Variants in CCNJL observed in about 807,000 individuals in gnomAD.
CCNJL encodes cyclin-J-like protein.
A neutral mutation model predicts 33.4 loss-of-function variants in CCNJL; 33 were observed. The observed-to-expected ratio is 0.99, with a 90% confidence interval of 0.75 to 1.32. CCNJL has a LOEUF of 1.32. Among genes scored for constraint, CCNJL ranks in the 40% most tolerant of loss-of-function variants. CCNJL has a pLI of 0.00. For missense variants in CCNJL, 512 were observed against 499.7 expected (o/e 1.02, Z -0.23); for synonymous variants, 227 against 220.9 (o/e 1.03, Z -0.24).
chr5:160,330,136 G>A (rs2113480962), intron 1 of CCNJL, among the ~76,000 whole-genome samples: 1 of 152,186 alleles, frequency 6.6e-6, no homozygotes, highest in East Asian at 1.9e-4. Flanking sequence ...TTCTGACCCT[G>A]TCTCCTGAAA....
Position 160,265,825 on chromosome 5 carries a change from C to T in CCNJL, c.281-6054G>A, listed in dbSNP as rs140210919. Among the ~76,000 whole-genome samples the T allele has an allele frequency of 2.6e-3, 389 of 150,300 alleles. 1 individual carries two copies. Among genetic ancestry groups the T allele is most frequent in the African/African-American group, 9.2e-3 (374 of 40,668 alleles). ...CCAAGATCGGGGCACTGCACTCTAG[C>T]CTGGGCGACAGAGCGAGACTCCGTC... On this transcript the variant is annotated intron_variant, in intron 3 of 5. Transcript: ENST00000257536.
At chr5:160,311,827 T>C (rs1218029148) in intron 2 of CCNJL, 31 bp downstream of exon 2, 6 of 1,605,252 alleles carry the variant, frequency 3.7e-6, no homozygotes, top group East Asian at 4.5e-5. Context: ...GTACCCAGTC[T>C]TGAGAGTGAC....
intron 1 of CCNJL, among the ~76,000 whole-genome samples, chr5:160,334,985 G>A (rs760513076): frequency 2.6e-5 from 4 of 152,336 alleles, no homozygotes; most frequent in Admixed American, 6.5e-5. Context: ...CATTTTGGCC[G>A]GGCACAGTGG....
chr5:160,254,326 GA>G, intron 5 of CCNJL: 2 of 668,700 alleles, frequency 3.0e-6, no homozygotes, highest in Non-Finnish European at 5.4e-6. Flanking sequence ...TTTTTCATCT[GA>G]AAAGGGGGCT....
At chr5:160,321,492 A>G (rs1234587783) in intron 1 of CCNJL, among the ~76,000 whole-genome samples, 1 of 152,194 alleles carries the variant, frequency 6.6e-6, no homozygotes, top group Non-Finnish European at 1.5e-5. Context: ...CAGGGCTGCA[A>G]AGACCCAAAG....
chr5:160,258,448 G>A, intron 4 of CCNJL: 1 of 1,057,076 alleles, frequency 9.5e-7, no homozygotes, highest in South Asian at 1.3e-5. Flanking sequence ...CATGAAGAGG[G>A]CACTGGACCT....
chr5:160,327,710 C>A (rs1034983134), intron 1 of CCNJL, among the ~76,000 whole-genome samples: 3 of 152,202 alleles, frequency 2.0e-5, no homozygotes, highest in African/African-American at 7.2e-5. Flanking sequence ...CAGGATAAAG[C>A]TCCAGAGTAA....
chr5:160,291,068 A>AAGAG (rs1257277886), intron 2 of CCNJL, among the ~76,000 whole-genome samples: 2 of 147,940 alleles, frequency 1.4e-5, no homozygotes, highest in African/African-American at 5.2e-5. Flanking sequence ...AAAAGAAAGA[A>AAGAG]AGAGAGAGAG....
At chr5:160,330,756 T>C (rs1278878284) in intron 1 of CCNJL, among the ~76,000 whole-genome samples, 1 of 151,928 alleles carries the variant, frequency 6.6e-6, no homozygotes, top group Non-Finnish European at 1.5e-5. Flanking sequence ...CTCCTCCTCC[T>C]GGGTTCAAGC....
intron 3 of CCNJL, 141 bp downstream of exon 3, chr5:160,280,384 G>C (rs1762164798): frequency 1.5e-6 from 1 of 684,754 alleles, no homozygotes; most frequent in Non-Finnish European, 2.5e-6. Flanking sequence ...TAAAAATGTT[G>C]ATGCTAAAAA....
At chr5:160,264,188 G>C (rs1398310820) in intron 3 of CCNJL, among the ~76,000 whole-genome samples, 2 of 152,088 alleles carry the variant, frequency 1.3e-5, no homozygotes, top group African/African-American at 4.8e-5. Flanking sequence ...GCCTCCCCAA[G>C]TGTTGGGATT....
Position 160,250,016 on chromosome 5 carries a change from T to C in CCNJL, c.*3362A>G, listed in dbSNP as rs1214818435. 1 of 152,120 alleles carries C rather than the reference T, an allele frequency of 6.6e-6. No individual in the cohort carries two copies. Among genetic ancestry groups the C allele is most frequent in the Non-Finnish European group, 1.5e-5 (1 of 68,026 alleles). The allele number at this position is 152,120 out of a possible 1,614,324, so 9.4% of individuals were successfully genotyped here. A position where few individuals can be genotyped will look rare whatever the true frequency, so the allele number is the denominator to read the frequency against. On this transcript the variant is annotated 3_prime_UTR_variant, in exon 6 of 6. Transcript: ENST00000257536. ...TCTGAATTTAACCTGATGCCAGCCCTGGGAGGAACTTTAAGACTATCTTTG... is the reference window on the plus strand; with the variant it reads ...TCTGAATTTAACCTGATGCCAGCCCCGGGAGGAACTTTAAGACTATCTTTG...
At chr5:160,320,788 C>CCT (rs1490550277) in intron 1 of CCNJL, among the ~76,000 whole-genome samples, 4,024 of 115,868 alleles carry the variant, frequency 0.035, 372 homozygotes, top group African/African-American at 0.14. Flanking sequence ...TTCTTTCTTT[C>CCT]CTTTCTTTCT....
chr5:160,313,819 T>C (rs1041805020), upstream of CCNJL, among the ~76,000 whole-genome samples: 3 of 152,262 alleles, frequency 2.0e-5, no homozygotes, highest in Non-Finnish European at 4.4e-5. Flanking sequence ...ACATGTTTTC[T>C]AACCTTCAAA....
chr5:160,295,965 C>G (rs1762739717), intron 2 of CCNJL, among the ~76,000 whole-genome samples: 2 of 152,210 alleles, frequency 1.3e-5, no homozygotes, highest in African/African-American at 2.4e-5. Flanking sequence ...CTATGCTTTA[C>G]AAGTTCTCCG....
intron 2 of CCNJL, among the ~76,000 whole-genome samples, chr5:160,292,597 G>A (rs560512456): frequency 6.6e-6 from 1 of 152,098 alleles, no homozygotes; most frequent in South Asian, 2.1e-4. Context: ...CTCTAGCCTG[G>A]GTGACAGTGA....
Position 160,311,944 on chromosome 5 carries a change from C to G in CCNJL, c.-21G>C. ...ATCATCGCGTACGCAGCGCCGCTAT[C>G]CGAGGCTACCCGGCTCTCAGGGCGC... On this transcript the variant is annotated 5_prime_UTR_variant, in exon 2 of 6. Transcript: ENST00000257536. 6.2e-7 allele frequency: 1 copy of G among 1,613,200 alleles called. No individual in the cohort carries two copies. The highest frequency in any genetic ancestry group is 1.1e-5 in the South Asian group (1 of 91,056).
intron 3 of CCNJL, among the ~76,000 whole-genome samples, chr5:160,271,748 G>A (rs1186217053): frequency 1.3e-5 from 2 of 152,246 alleles, no homozygotes; most frequent in Non-Finnish European, 2.9e-5. Context: ...TTGGAAGAAA[G>A]ATAAGCAATA....
chr5:160,320,420 G>C (rs560300989), intron 1 of CCNJL, among the ~76,000 whole-genome samples: 1 of 152,178 alleles, frequency 6.6e-6, no homozygotes, highest in Non-Finnish European at 1.5e-5. Context: ...AACATAACGA[G>C]AAGATGACTT....
Sources: allele counts gnomAD v4.1 joint callset (sites outside exome capture counted in the v4.1 genomes callset), GRCh38; gene constraint gnomAD v4.1.1; transcripts MANE v1.5; gene names NCBI Gene and HGNC (gene_info 2026-07-23, HGNC 2026-07-21).